FBXW7: variants seen among roughly 807,000 people sequenced by gnomAD.
FBXW7 encodes F-box/WD repeat-containing protein 7.
FBXW7 carries 11 observed loss-of-function variants against 86.3 expected under a neutral mutation model. The ratio of observed to expected loss-of-function variants is 0.13; its 90% CI spans 0.08 to 0.21. The LOEUF is 0.21. FBXW7 is among the 10% of genes least tolerant of loss of function. The pLI, the probability that FBXW7 is intolerant of heterozygous loss-of-function variation, is 1.00. For missense variants in FBXW7, 488 were observed against 847.4 expected (o/e 0.58, Z 5.27); for synonymous variants, 313 against 297.9 (o/e 1.05, Z -0.52).
At chr4:152,353,380 G>A (rs966190311) in intron 4 of FBXW7, among the ~76,000 whole-genome samples, 11 of 152,120 alleles carry the variant, frequency 7.2e-5, no homozygotes, top group East Asian at 1.9e-4. Flanking sequence ...TTCAAACTGC[G>A]TATTTTGGTA....
intron 13 of FBXW7, chr4:152,323,409 T>C: frequency 2.0e-6 from 1 of 504,330 alleles, no homozygotes; most frequent in Non-Finnish European, 3.6e-6. Flanking sequence ...AAACATCTTA[T>C]TTTCTGGCTG....
intron 4 of FBXW7, chr4:152,382,442 A>T: frequency 1.6e-6 from 2 of 1,238,970 alleles, no homozygotes; most frequent in Non-Finnish European, 2.0e-6. Context: ...AATAGTTTTT[A>T]AAAGGCTGAG....
chr4:152,505,520 A>G (rs976245948), intron 2 of FBXW7, among the ~76,000 whole-genome samples: 6 of 152,142 alleles, frequency 3.9e-5, no homozygotes, highest in Non-Finnish European at 7.4e-5. Context: ...CCTGTTTTAA[A>G]AAAAATTTTT....
Position 152,383,266 on chromosome 4 carries a change from C to T in FBXW7, c.501+28037G>A, listed in dbSNP as rs1735250525. ...TGCAAATCCCTAGTGCCTAATTTCT[C>T]CTTCACAGTATGGTCAGATAAATCT... On this transcript the variant is annotated intron_variant, in intron 4 of 13. Transcript: ENST00000281708. Among the ~76,000 whole-genome samples the T allele has an allele frequency of 2.0e-5, 3 of 152,022 alleles. No homozygotes were observed. The South Asian group carries it at 6.2e-4, about 31-fold the overall frequency.
intron 4 of FBXW7, among the ~76,000 whole-genome samples, chr4:152,391,808 G>C (rs2126811086): frequency 6.6e-6 from 1 of 152,224 alleles, no homozygotes; most frequent in Non-Finnish European, 1.5e-5. Flanking sequence ...TAGTAGAGTT[G>C]AGATTTTAAC....
At chr4:152,400,223 A>C (rs1352523048) in intron 4 of FBXW7, among the ~76,000 whole-genome samples, 1 of 152,236 alleles carries the variant, frequency 6.6e-6, no homozygotes. Context: ...TGAACCACCG[A>C]ACATCCACAT....
intron 4 of FBXW7, among the ~76,000 whole-genome samples, chr4:152,364,626 A>C (rs1264479533): frequency 6.6e-6 from 1 of 152,184 alleles, no homozygotes; most frequent in Non-Finnish European, 1.5e-5. Flanking sequence ...AGGATTTTCC[A>C]TCTGAATACA....
intron 2 of FBXW7, among the ~76,000 whole-genome samples, chr4:152,468,659 G>A (rs967286388): frequency 3.9e-5 from 6 of 152,072 alleles, no homozygotes; most frequent in Non-Finnish European, 7.4e-5. Context: ...ACTGGTAGTT[G>A]CATAACTTGG....
intron 2 of FBXW7, among the ~76,000 whole-genome samples, chr4:152,503,051 A>G (rs530083817): frequency 9.5e-4 from 145 of 152,364 alleles, no homozygotes; most frequent in African/African-American, 3.4e-3. Context: ...ATTTACATAA[A>G]GAGATGGTAA....
At chr4:152,429,899 A>C (rs1323846763) in intron 2 of FBXW7, among the ~76,000 whole-genome samples, 1 of 152,194 alleles carries the variant, frequency 6.6e-6, no homozygotes, top group Non-Finnish European at 1.5e-5. Flanking sequence ...TTTTCTGCTA[A>C]TATTTTAGTT....
rs142123891 is a variant in FBXW7, at chr4:152,430,789, A to G, written c.-119-18260T>C. 2.6e-4 allele frequency among the ~76,000 whole-genome samples: 39 copies of G among 152,312 alleles called. 1 individual carries two copies. The East Asian group carries it at 4.2e-3, about 17-fold the overall frequency. ...AACTTTCAGAAATTTTCTTATCTATATATCTTGCAAAGGTCTAACTAAGAT... is the reference window on the plus strand; with the variant it reads ...AACTTTCAGAAATTTTCTTATCTATGTATCTTGCAAAGGTCTAACTAAGAT... On this transcript the variant is annotated intron_variant, in intron 2 of 13. Transcript: ENST00000281708.
chr4:152,482,340 A>G (rs889204738), intron 2 of FBXW7, among the ~76,000 whole-genome samples: 8 of 152,214 alleles, frequency 5.3e-5, no homozygotes, highest in Non-Finnish European at 1.2e-4. Context: ...ACTTATATGC[A>G]CTAGGAAAAC....
intron 4 of FBXW7, among the ~76,000 whole-genome samples, chr4:152,404,034 T>C (rs1737190086): frequency 6.6e-6 from 1 of 152,212 alleles, no homozygotes; most frequent in African/African-American, 2.4e-5. Flanking sequence ...CTTAGAAAAT[T>C]GCCAGGGTAA....
intron 4 of FBXW7, among the ~76,000 whole-genome samples, chr4:152,401,699 A>G (rs1736946488): frequency 6.6e-6 from 1 of 152,208 alleles, no homozygotes; most frequent in Admixed American, 6.5e-5. Context: ...GGATAATGAT[A>G]TGACAAAGGT....
intron 2 of FBXW7, among the ~76,000 whole-genome samples, chr4:152,511,957 C>T (rs1316611378): frequency 6.6e-6 from 1 of 151,950 alleles, no homozygotes; most frequent in Non-Finnish European, 1.5e-5. Context: ...AAACAAAAGA[C>T]TCAGAAAAAA....
chr4:152,326,339 T>A, intron 11 of FBXW7, 108 bp from the exon 12 acceptor site: 2 of 764,118 alleles, frequency 2.6e-6, no homozygotes, highest in Non-Finnish European at 4.0e-6. Context: ...TTTAGCTTTT[T>A]TTTTTTTTTT....
At chr4:152,340,559 G>A (rs537865809) in intron 6 of FBXW7, among the ~76,000 whole-genome samples, 4 of 124,532 alleles carry the variant, frequency 3.2e-5, no homozygotes, top group South Asian at 5.4e-4. Context: ...TTGGGCGACA[G>A]AGCGAAACTC....
intron 2 of FBXW7, among the ~76,000 whole-genome samples, chr4:152,422,829 CTAAG>C (rs1340229957): frequency 6.6e-6 from 1 of 152,144 alleles, no homozygotes; most frequent in Admixed American, 6.5e-5. Flanking sequence ...ACTTTATCAG[CTAAG>C]TAAGCCTCCC....
intron 6 of FBXW7, among the ~76,000 whole-genome samples, chr4:152,340,412 C>G (rs568444481): frequency 9.5e-4 from 144 of 151,830 alleles, no homozygotes; most frequent in African/African-American, 3.4e-3. Flanking sequence ...CCCATCTCTA[C>G]TAAAAATATA....
Sources: allele counts gnomAD v4.1 joint callset (sites outside exome capture counted in the v4.1 genomes callset), GRCh38; gene constraint gnomAD v4.1.1; transcripts MANE v1.5; gene names NCBI Gene and HGNC (gene_info 2026-07-23, HGNC 2026-07-21).